The following CADM2 variants were observed in gnomAD, a reference collection of about 807,000 sequenced individuals.
CADM2 encodes immunoglobulin superfamily member 4D.
CADM2 carries 12 observed loss-of-function variants against 49.8 expected under a neutral mutation model. The ratio of observed to expected loss-of-function variants is 0.24; its 90% confidence interval spans 0.15 to 0.39. The LOEUF is 0.39. Ranked by LOEUF, CADM2 falls within the 10% of genes least tolerant of loss-of-function variation. The pLI is 1.00. For missense variants in CADM2, 378 were observed against 492.3 expected, an observed-to-expected ratio of 0.77 and a Z score of 2.20; for synonymous variants, 214 against 175.4, an observed-to-expected ratio of 1.22 and a Z score of -1.74.
chr3:85,934,255 G>A (rs780274616), intron 6 of CADM2, among the ~76,000 whole-genome samples: 42 of 152,108 alleles, frequency 2.8e-4, no homozygotes, highest in Non-Finnish European at 6.2e-4. Context: ...GAACAGTCTG[G>A]TTCACAACTG....
At chr3:85,880,339 T>A (rs973805048) in intron 3 of CADM2, among the ~76,000 whole-genome samples, 1 of 152,196 alleles carries the variant, frequency 6.6e-6, no homozygotes. Flanking sequence ...TTAATAATCT[T>A]ATATTTGAAA....
chr3:85,970,914 C>A (rs1408736627), intron 8 of CADM2, among the ~76,000 whole-genome samples: 1 of 150,868 alleles, frequency 6.6e-6, no homozygotes, highest in Non-Finnish European at 1.5e-5. Context: ...AAAAATATAA[C>A]CTAGTATGGG....
At chr3:85,656,944 C>T (rs1321047258) in intron 1 of CADM2, among the ~76,000 whole-genome samples, 1 of 152,060 alleles carries the variant, frequency 6.6e-6, no homozygotes, top group African/African-American at 2.4e-5. Context: ...TTCTATCTCC[C>T]CATGTCCTAT....
intron 1 of CADM2, among the ~76,000 whole-genome samples, chr3:85,000,283 A>ATTT (rs534262032): frequency 1.4e-5 from 2 of 147,646 alleles, no homozygotes; most frequent in African/African-American, 4.9e-5. Flanking sequence ...CCAGCTAATT[A>ATTT]TTTTTTTTTT....
At chr3:85,403,380 C>T (rs928383102) in intron 1 of CADM2, among the ~76,000 whole-genome samples, 1 of 152,166 alleles carries the variant, frequency 6.6e-6, no homozygotes, top group Non-Finnish European at 1.5e-5. Context: ...AAGGGCATTT[C>T]TTGCACTTAT....
intron 1 of CADM2, among the ~76,000 whole-genome samples, chr3:85,658,202 A>C (rs2065269745): frequency 6.6e-6 from 1 of 152,052 alleles, no homozygotes; most frequent in South Asian, 2.1e-4. Context: ...ATTCTTCCCC[A>C]AAAGGGAAAT....
chr3:85,622,696 C>T (rs1290407104), intron 1 of CADM2, among the ~76,000 whole-genome samples: 1 of 152,088 alleles, frequency 6.6e-6, no homozygotes, highest in African/African-American at 2.4e-5. Context: ...GCATACTTAT[C>T]ATGGTTAATT....
chr3:85,062,602 A>G (rs2036372716), intron 1 of CADM2, among the ~76,000 whole-genome samples: 1 of 151,912 alleles, frequency 6.6e-6, no homozygotes, highest in Non-Finnish European at 1.5e-5. Context: ...TAAAAAGCTC[A>G]TAACAAGTAA....
chr3:85,226,527 G>T lies in CADM2; in HGVS notation c.61+266859G>T, dbSNP rs141482604. Among the ~76,000 whole-genome samples the T allele has an allele frequency of 3.1e-3, 466 of 151,662 alleles. 1 individual carries two copies. The highest frequency in any genetic ancestry group is 0.01 in the Middle Eastern group (3 of 294). On this transcript the variant is annotated intron_variant, in intron 1 of 9. Coordinates refer to ENST00000383699, the MANE Select transcript of CADM2 (RefSeq NM_001167675.2). Reference sequence around the variant, plus strand: ...TTCTTCTCTCTTCTCTTCTTTATTAGTCTGGCTAGTGGTCTATTTTGTTGA... The same window carrying T: ...TTCTTCTCTCTTCTCTTCTTTATTATTCTGGCTAGTGGTCTATTTTGTTGA...
At chr3:85,417,110 A>G (rs942128767) in intron 1 of CADM2, among the ~76,000 whole-genome samples, 40 of 152,176 alleles carry the variant, frequency 2.6e-4, no homozygotes, top group Non-Finnish European at 4.0e-4. Flanking sequence ...AAAACTTTAT[A>G]AAATGCAGTA....
At chr3:85,356,457 C>T (rs1402125669) in intron 1 of CADM2, among the ~76,000 whole-genome samples, 1 of 151,998 alleles carries the variant, frequency 6.6e-6, no homozygotes, top group Non-Finnish European at 1.5e-5. Context: ...AGGGTCAGTC[C>T]ATGCAGAATC....
chr3:85,294,953 A>G (rs2106954581), intron 1 of CADM2, among the ~76,000 whole-genome samples: 1 of 152,284 alleles, frequency 6.6e-6, no homozygotes, highest in East Asian at 1.9e-4. Context: ...ATCAAATTAA[A>G]CTCAAGAGCT....
At chr3:85,702,673 T>A (rs189741927) in intron 1 of CADM2, among the ~76,000 whole-genome samples, 8 of 152,314 alleles carry the variant, frequency 5.3e-5, no homozygotes, top group Admixed American at 2.0e-4. Context: ...ATGATAACTT[T>A]ATTTTTTTCA....
At chr3:85,365,199 C>CTTTTTTTTTTTTTTTTTTTTATTTTT (rs397962829) in intron 1 of CADM2, among the ~76,000 whole-genome samples, 1 of 104,716 alleles carries the variant, frequency 9.5e-6, no homozygotes, top group Non-Finnish European at 1.8e-5. Context: ...TTTTTTTTTA[C>CTTTTTTTTTTTTTTTTTTTTATTTTT]TTTTTTTTTT....
chr3:85,528,047 G>A (rs4856582), intron 1 of CADM2, among the ~76,000 whole-genome samples: 132,894 of 152,148 alleles, frequency 0.87, 58,184 homozygotes, highest in East Asian at 0.95. Flanking sequence ...CTGCACTTAG[G>A]GACAAAGATC....
chr3:85,115,361 A>C (rs2038603766), intron 1 of CADM2, among the ~76,000 whole-genome samples: 1 of 152,204 alleles, frequency 6.6e-6, no homozygotes. Flanking sequence ...GAATTATGTC[A>C]GTACATTAAA....
At chr3:85,241,189 G>A (rs2042522181) in intron 1 of CADM2, among the ~76,000 whole-genome samples, 1 of 151,298 alleles carries the variant, frequency 6.6e-6, no homozygotes, top group South Asian at 2.1e-4. Flanking sequence ...ATTTTATTAA[G>A]CACCATAAAC....
At chr3:85,447,632 C>T (rs922892890) in intron 1 of CADM2, among the ~76,000 whole-genome samples, 1 of 152,144 alleles carries the variant, frequency 6.6e-6, no homozygotes, top group African/African-American at 2.4e-5. Context: ...ATTTACATTT[C>T]GCAAACATGC....
chr3:85,495,441 G>C (rs2039847117), intron 1 of CADM2, among the ~76,000 whole-genome samples: 1 of 152,032 alleles, frequency 6.6e-6, no homozygotes, highest in Non-Finnish European at 1.5e-5. Context: ...TGCAATGTGA[G>C]GTGACCCAAA....
Sources: gnomAD v4.1 joint callset for allele counts (sites outside exome capture counted in the v4.1 genomes callset) on GRCh38, gnomAD v4.1.1 for gene constraint, MANE v1.5 for transcripts, NCBI Gene and HGNC (gene_info 2026-07-23, HGNC 2026-07-21) for gene names.